Variants in METTL8 observed in about 807,000 individuals in gnomAD.
The protein encoded by METTL8 is tRNA N(3)-cytidine methyltransferase METTL8, mitochondrial.
A neutral mutation model predicts 48.7 loss-of-function variants in METTL8; 32 were observed. That is an observed-to-expected ratio of 0.66 (90% CI 0.50 to 0.88). The LOEUF (loss-of-function observed/expected upper bound fraction) is 0.88, where lower values mean the gene tolerates loss of function less well. Ranked by LOEUF, METTL8 falls within the 40% of genes least tolerant of loss-of-function variation. The pLI, the probability that METTL8 is intolerant of heterozygous loss-of-function variation, is 0.00. For synonymous variants in METTL8, 136 were observed against 157.1 expected (o/e 0.87, Z 1.01); for missense variants, 464 against 474.4 (o/e 0.98, Z 0.20).
chr2:171,349,531 G>A (rs1410522885), intron 3 of METTL8, among the ~76,000 whole-genome samples: 2 of 152,106 alleles, frequency 1.3e-5, no homozygotes, highest in African/African-American at 2.4e-5. Flanking sequence ...TCCATTTTAT[G>A]TATATACCAC....
chr2:171,431,780 A>G (rs1693053857), intron 1 of METTL8, among the ~76,000 whole-genome samples: 1 of 152,190 alleles, frequency 6.6e-6, no homozygotes, highest in Non-Finnish European at 1.5e-5. Flanking sequence ...CAGGACTGAT[A>G]GGGCTGTTAA....
At chr2:171,401,578 A>G (rs1181948845) in intron 1 of METTL8, among the ~76,000 whole-genome samples, 1 of 152,160 alleles carries the variant, frequency 6.6e-6, no homozygotes, top group East Asian at 1.9e-4. Flanking sequence ...TCACTCACAC[A>G]AAAAGAGGCA....
intron 4 of METTL8, among the ~76,000 whole-genome samples, chr2:171,338,062 T>G (rs1441615057): frequency 2.0e-5 from 3 of 152,142 alleles, no homozygotes; most frequent in African/African-American, 7.2e-5. Flanking sequence ...TTAAAAGTAT[T>G]AAAAATCTTC....
intron 2 of METTL8, among the ~76,000 whole-genome samples, chr2:171,386,616 T>G (rs1160896832): frequency 6.6e-6 from 1 of 151,926 alleles, no homozygotes; most frequent in Non-Finnish European, 1.5e-5. Context: ...ATACAAAAAT[T>G]AGCTGGGCGT....
At chr2:171,421,238 T>C (rs1426620283) in intron 1 of METTL8, among the ~76,000 whole-genome samples, 1 of 152,204 alleles carries the variant, frequency 6.6e-6, no homozygotes, top group East Asian at 1.9e-4. Context: ...ACAATTATAT[T>C]TTCATATACT....
intron 2 of METTL8, among the ~76,000 whole-genome samples, chr2:171,383,660 T>G (rs976458031): frequency 6.6e-6 from 1 of 152,192 alleles, no homozygotes; most frequent in Non-Finnish European, 1.5e-5. Context: ...TTGAAAAGTT[T>G]CTATATGCTT....
chr2:171,336,012 T>C (rs1686045040), intron 5 of METTL8, among the ~76,000 whole-genome samples: 2 of 152,072 alleles, frequency 1.3e-5, no homozygotes, highest in Admixed American at 6.5e-5. Flanking sequence ...TTTTGTGTGT[T>C]CATCATGGAA....
chr2:171,405,548 G>A (rs1182040271), intron 1 of METTL8, among the ~76,000 whole-genome samples: 3 of 152,186 alleles, frequency 2.0e-5, no homozygotes, highest in African/African-American at 4.8e-5. Flanking sequence ...TGACTGACAG[G>A]CAGAGGAGAG....
chr2:171,359,587 A>G (rs1684949978), intron 3 of METTL8, among the ~76,000 whole-genome samples: 3 of 152,028 alleles, frequency 2.0e-5, no homozygotes, highest in Admixed American at 2.0e-4. Context: ...AGCTCTATTC[A>G]TAGTAGCCAT....
chr2:171,432,226 CA>C (rs5836336), intron 1 of METTL8, among the ~76,000 whole-genome samples: 111 of 141,946 alleles, frequency 7.8e-4, no homozygotes, highest in Non-Finnish European at 7.1e-4. Context: ...AAAGCAACGT[CA>C]AAAAAAAAAA....
chr2:171,371,836 C>CTATTACTAT (rs770382574), intron 2 of METTL8, among the ~76,000 whole-genome samples: 10 of 143,862 alleles, frequency 7.0e-5, no homozygotes, highest in African/African-American at 2.3e-4. Context: ...GTTATTATTA[C>CTATTACTAT]TATTATTATT....
chr2:171,367,880 T>C (rs1346611201), intron 2 of METTL8, among the ~76,000 whole-genome samples: 1 of 152,206 alleles, frequency 6.6e-6, no homozygotes, highest in Non-Finnish European at 1.5e-5. Context: ...GCTGTGGTTC[T>C]CAAACTGTCG....
At chr2:171,328,426 C>A (rs1685180069) in intron 7 of METTL8, among the ~76,000 whole-genome samples, 1 of 152,178 alleles carries the variant, frequency 6.6e-6, no homozygotes, top group Admixed American at 6.5e-5. Flanking sequence ...TTCCAAGCTA[C>A]CAAGATGCTA....
At chr2:171,386,185 T>C (rs892257967) in intron 2 of METTL8, among the ~76,000 whole-genome samples, 3 of 152,084 alleles carry the variant, frequency 2.0e-5, no homozygotes, top group African/African-American at 7.2e-5. Flanking sequence ...AAAAAGAGAA[T>C]ATAGATAGCT....
intron 1 of METTL8, among the ~76,000 whole-genome samples, chr2:171,431,514 G>A (rs1431360976): frequency 6.6e-6 from 1 of 152,182 alleles, no homozygotes; most frequent in Non-Finnish European, 1.5e-5. Flanking sequence ...GCTGAGCTAA[G>A]AGCAAAAATC....
At chr2:171,431,963 C>T (rs995947573) in intron 1 of METTL8, among the ~76,000 whole-genome samples, 5 of 152,366 alleles carry the variant, frequency 3.3e-5, no homozygotes, top group South Asian at 2.1e-4. Context: ...CTGGTCCAGC[C>T]GCAAGCGGTG....
At chr2:171,370,762 G>T (rs1346646305) in intron 2 of METTL8, among the ~76,000 whole-genome samples, 1 of 152,188 alleles carries the variant, frequency 6.6e-6, no homozygotes, top group Non-Finnish European at 1.5e-5. Context: ...CTGCACTCCA[G>T]CCTGGGCAAC....
chr2:171,386,895 G>GAGGCACCAGCACACCAGC (rs1466611603), intron 2 of METTL8, among the ~76,000 whole-genome samples: 23 of 152,102 alleles, frequency 1.5e-4, no homozygotes, highest in African/African-American at 5.6e-4. Flanking sequence ...AGCACATCAG[G>GAGGCACCAGCACACCAGC]AGGCACCAGC....
chr2:171,323,218 T>A lies in METTL8; in HGVS notation c.*954A>T, dbSNP rs1684620570. 3 of 147,278 alleles carry A rather than the reference T, an allele frequency of 2.0e-5. No homozygotes were observed. The highest frequency in any genetic ancestry group is 7.4e-5 in the African/African-American group (3 of 40,316). 9.1% of individuals were successfully genotyped at this position (147,278 alleles called of 1,614,324 possible). ...GCCCTTGATACAAGAGCTTGTCAGCTTACATACCTTTTTTTTTTTTTTTTT... is the reference window on the plus strand; with the variant it reads ...GCCCTTGATACAAGAGCTTGTCAGCATACATACCTTTTTTTTTTTTTTTTT... On this transcript the variant is annotated 3_prime_UTR_variant, in exon 10 of 10. Transcript: ENST00000375258.
Sources: gnomAD v4.1 joint callset for allele counts (sites outside exome capture counted in the v4.1 genomes callset) on GRCh38, gnomAD v4.1.1 for gene constraint, MANE v1.5 for transcripts, NCBI Gene and HGNC (gene_info 2026-07-23, HGNC 2026-07-21) for gene names.